FAIM: variants seen among roughly 807,000 people sequenced by gnomAD.
The protein encoded by FAIM is Fas apoptotic inhibitory molecule, also known as fas apoptotic inhibitory molecule 1.
Under a neutral mutation model 21.2 loss-of-function variants are expected in FAIM, and 14 were observed. That is an observed-to-expected ratio of 0.66 (90% CI 0.44 to 1.03). The LOEUF is 1.03. Among genes scored for constraint, FAIM ranks in the 50% least tolerant of loss-of-function variants. FAIM has a pLI of 0.00. For synonymous variants in FAIM, 86 were observed against 80.4 expected, an observed-to-expected ratio of 1.07 and a Z score of -0.37; for missense variants, 222 against 247.1, an observed-to-expected ratio of 0.90 and a Z score of 0.68.
chr3:138,623,334 T>TATTGCTTGGAATAGTAATAGAGA, intron 4 of FAIM, among the ~76,000 whole-genome samples: 1 of 152,190 alleles, frequency 6.6e-6, no homozygotes. Flanking sequence ...GCAGTTTTAC[T>TATTGCTTGGAATAGTAATAGAGA]CGTGTTCTCT....
At chr3:138,624,922 T>C (rs1187829020) in intron 4 of FAIM, among the ~76,000 whole-genome samples, 1 of 151,188 alleles carries the variant, frequency 6.6e-6, no homozygotes, top group African/African-American at 2.4e-5. Context: ...TCCCAGCACT[T>C]TGGGAGGCTG....
At chr3:138,617,909 C>T (rs1395017060) in intron 1 of FAIM, among the ~76,000 whole-genome samples, 3 of 144,216 alleles carry the variant, frequency 2.1e-5, no homozygotes, top group African/African-American at 7.6e-5. Flanking sequence ...ACTATATATA[C>T]TATATTATAT....
At chr3:138,624,390 G>GGA (rs2042917868) in intron 4 of FAIM, among the ~76,000 whole-genome samples, 1 of 152,110 alleles carries the variant, frequency 6.6e-6, no homozygotes, top group Non-Finnish European at 1.5e-5. Flanking sequence ...CCAGGGGCCT[G>GGA]CTTATCTACT....
At chr3:138,624,453 T>C (rs748939862) in intron 4 of FAIM, among the ~76,000 whole-genome samples, 11 of 152,238 alleles carry the variant, frequency 7.2e-5, no homozygotes, top group Non-Finnish European at 1.5e-4. Context: ...TTACTCCTTG[T>C]CTGCCTTTAC....
At chr3:138,629,022 C>G in intron 4 of FAIM, 85 bp from the exon 5 acceptor site, 1 of 1,036,166 alleles carries the variant, frequency 9.7e-7, no homozygotes, top group Non-Finnish European at 1.4e-6. Context: ...TATATCAATC[C>G]TTTCCTAAAG....
At chr3:138,613,011 C>CTTTTTT (rs35341179) in intron 1 of FAIM, among the ~76,000 whole-genome samples, 2 of 142,052 alleles carry the variant, frequency 1.4e-5, no homozygotes. Flanking sequence ...AGTCCTTTGC[C>CTTTTTT]TTTTTTTTTT....
chr3:138,620,480 T>C (rs1295391736), intron 2 of FAIM, among the ~76,000 whole-genome samples: 1 of 152,198 alleles, frequency 6.6e-6, no homozygotes, highest in Non-Finnish European at 1.5e-5. Flanking sequence ...CAGAAATCTC[T>C]GACAAACCAA....
chr3:138,626,440 C>T (rs771361106), intron 4 of FAIM, among the ~76,000 whole-genome samples: 1 of 152,198 alleles, frequency 6.6e-6, no homozygotes, highest in Non-Finnish European at 1.5e-5. Context: ...AGCGAGTACA[C>T]ATATTCTCTC....
At position 138,622,377 on chromosome 3, in the gene FAIM, G is replaced by T. The variant is rs757768723; in HGVS notation, c.367G>T (p.Val123Leu). The T allele has an allele frequency of 1.2e-5, 19 of 1,611,474 alleles. No homozygotes were observed. In the East Asian group the frequency reaches 4.2e-4, roughly 36 times the overall value. The stretch of plus-strand genomic sequence containing the variant: ...CAGATCAAAAACCACCAATACTTGG[G>T]TATTACACATGGATGGTGAGAACTT... ...EDRSKTTNTWVLHMDGENFRI... is the reference protein window; with the variant it reads ...EDRSKTTNTWLLHMDGENFRI... The change falls in exon 4 of 6, where the codon GTA (valine) becomes TTA (leucine). Residue 123 changes from valine (V) to leucine (L), a missense_variant. Coordinates refer to ENST00000360570, the MANE Select transcript of FAIM (RefSeq NM_001033031.2).
Position 138,621,232 on chromosome 3 carries a change from G to A in FAIM, c.45-175G>A, listed in dbSNP as rs2042881406. 2.0e-5 allele frequency: 13 copies of A among 635,788 alleles called. No homozygotes were observed. The South Asian group carries it at 2.4e-4, about 12-fold the overall frequency. 39.4% of individuals were successfully genotyped at this position (635,788 alleles called of 1,614,324 possible). A position where few individuals can be genotyped will look rare whatever the true frequency, so the allele number is the denominator to read the frequency against. ...ATAGTAGTTGTATCTTAAAGGAAGA[G>A]TGAATAAGAGGGAGAAAATAGTTAC... On this transcript the variant is annotated intron_variant, in intron 2 of 5. Coordinates refer to ENST00000360570, the MANE Select transcript of FAIM (RefSeq NM_001033031.2).
intron 4 of FAIM, 140 bp from the exon 5 acceptor site, chr3:138,628,967 A>G (rs144825659): frequency 1.0e-3 from 585 of 562,472 alleles, no homozygotes; most frequent in African/African-American, 0.01. Context: ...AAAGCCATGA[A>G]AAAGTGTTGG....
At chr3:138,629,612 A>G (rs2042981637) in intron 5 of FAIM, 1 of 154,182 alleles carries the variant, frequency 6.5e-6, no homozygotes, top group African/African-American at 2.4e-5. Context: ...ACTGGTCCAC[A>G]GATCACACTT....
At position 138,622,474 on chromosome 3, in the gene FAIM, T is replaced by A. The variant is rs1212408221; in HGVS notation, c.406+58T>A. 7 of 1,126,748 alleles carry A rather than the reference T, an allele frequency of 6.2e-6. No homozygotes were observed. In the Admixed American group the frequency reaches 1.4e-4, roughly 22 times the overall value. 69.8% of individuals were successfully genotyped at this position (1,126,748 alleles called of 1,614,324 possible). A position where few individuals can be genotyped will look rare whatever the true frequency, so the allele number is the denominator to read the frequency against. The stretch of plus-strand genomic sequence containing the variant: ...TTTTTTTTTATAATGTCTGTTTAAT[T>A]CCTGTAACTGTATTCAGACCTTCTA... On this transcript the variant is annotated intron_variant, in intron 4 of 5. Transcript: ENST00000360570.
intron 1 of FAIM, among the ~76,000 whole-genome samples, chr3:138,618,447 A>T (rs928939906): frequency 1.3e-5 from 2 of 152,154 alleles, no homozygotes; most frequent in African/African-American, 4.8e-5. Flanking sequence ...CAGGTGGATC[A>T]CTTGAGACCA....
intron 4 of FAIM, 24 bp downstream of exon 4, chr3:138,622,440 A>G: frequency 7.0e-7 from 1 of 1,425,742 alleles, no homozygotes; most frequent in Non-Finnish European, 9.5e-7. Flanking sequence ...GTTTCCGCAG[A>G]ACTTTTTTTT....
At chr3:138,621,307 A>G (rs953021022) in intron 2 of FAIM, 100 bp from the exon 3 acceptor site, 6 of 1,262,964 alleles carry the variant, frequency 4.8e-6, no homozygotes, top group Non-Finnish European at 5.6e-6. Context: ...ATATTTTGAC[A>G]TTTTAGAGGT....
intron 1 of FAIM, among the ~76,000 whole-genome samples, chr3:138,609,617 C>CTCTCTCTCTCTCTCG (rs2042745517): frequency 8.1e-6 from 1 of 123,634 alleles, no homozygotes; most frequent in Non-Finnish European, 1.7e-5. Flanking sequence ...TCTCTCGACT[C>CTCTCTCTCTCTCTCG]TCTCTCTCTC....
chr3:138,610,813 C>T (rs1370908254), intron 1 of FAIM: 4 of 667,754 alleles, frequency 6.0e-6, no homozygotes, highest in Non-Finnish European at 5.3e-6. Context: ...GAACTATTGA[C>T]CTCAAGTGAT....
At chr3:138,624,752 C>T (rs1207019847) in intron 4 of FAIM, among the ~76,000 whole-genome samples, 8 of 152,172 alleles carry the variant, frequency 5.3e-5, no homozygotes, top group Admixed American at 2.6e-4. Flanking sequence ...CCTTGGTTTC[C>T]TCATCTGTAA....
Sources: gnomAD v4.1 joint callset for allele counts (sites outside exome capture counted in the v4.1 genomes callset) on GRCh38, gnomAD v4.1.1 for gene constraint, MANE v1.5 for transcripts, NCBI Gene and HGNC (gene_info 2026-07-23, HGNC 2026-07-21) for gene names.